The following SMYD3 variants were observed in gnomAD, a reference collection of about 807,000 sequenced individuals.
SMYD3 encodes histone-lysine N-methyltransferase SMYD3.
A neutral mutation model predicts 57.7 loss-of-function variants in SMYD3; 36 were observed. The ratio of observed to expected loss-of-function variants is 0.62; its 90% CI spans 0.48 to 0.82. SMYD3 has a LOEUF of 0.82. SMYD3 is among the 40% of genes least tolerant of loss of function. SMYD3 has a pLI of 0.00. For missense variants in SMYD3, 515 were observed against 538.8 expected (o/e 0.96, Z 0.44); for synonymous variants, 211 against 195.0 (o/e 1.08, Z -0.68).
rs556385698 is a variant in SMYD3 at position 246,185,356 on chromosome 1, T to C, written c.531+141845A>G. On this transcript the variant is annotated intron_variant, in intron 5 of 11. Coordinates refer to ENST00000490107, the MANE Select transcript of SMYD3 (RefSeq NM_001167740.2). ...GGTTCAAGCGATTCTCCTGCCTCATTCTCCTGAGTAGCTGGGACTGCAGGT... is the reference window on the plus strand; with the variant it reads ...GGTTCAAGCGATTCTCCTGCCTCATCCTCCTGAGTAGCTGGGACTGCAGGT... Among the ~76,000 whole-genome samples the C allele has an allele frequency of 1.6e-3, 234 of 147,034 alleles. 1 individual carries two copies. The highest frequency in any genetic ancestry group is 5.6e-3 in the African/African-American group (222 of 39,754).
At chr1:246,333,191 A>C (rs900519616) in intron 3 of SMYD3, among the ~76,000 whole-genome samples, 4 of 152,240 alleles carry the variant, frequency 2.6e-5, no homozygotes, top group Non-Finnish European at 4.4e-5. Context: ...ACCGGAGTTC[A>C]GAAGATTCAG....
At chr1:245,892,144 C>A (rs1299561113) in intron 8 of SMYD3, among the ~76,000 whole-genome samples, 1 of 152,088 alleles carries the variant, frequency 6.6e-6, no homozygotes, top group African/African-American at 2.4e-5. Flanking sequence ...AAAGCAGAGA[C>A]AACTAAAAAT....
intron 1 of SMYD3, among the ~76,000 whole-genome samples, chr1:246,360,499 G>A (rs1206490914): frequency 6.6e-6 from 1 of 151,688 alleles, no homozygotes; most frequent in African/African-American, 2.4e-5. Context: ...CATAGCCAAA[G>A]CAAGACTAAG....
At chr1:246,433,132 C>A (rs958049226) in intron 1 of SMYD3, among the ~76,000 whole-genome samples, 1 of 152,106 alleles carries the variant, frequency 6.6e-6, no homozygotes, top group Non-Finnish European at 1.5e-5. Flanking sequence ...TTTCAGGATA[C>A]AAAATTGGTA....
At chr1:245,958,193 T>C (rs12081022) in intron 5 of SMYD3, among the ~76,000 whole-genome samples, 24,310 of 152,114 alleles carry the variant, frequency 0.16, 2,263 homozygotes, top group East Asian at 0.41. Context: ...GTGCCAGATA[T>C]TGAATCCAGG....
chr1:245,930,991 C>T (rs762344433), intron 5 of SMYD3, among the ~76,000 whole-genome samples: 11 of 152,142 alleles, frequency 7.2e-5, no homozygotes, highest in Non-Finnish European at 1.0e-4. Flanking sequence ...GAAGGCCCTA[C>T]GCTAGGAATG....
chr1:245,763,444 A>G (rs1168256521), intron 11 of SMYD3, among the ~76,000 whole-genome samples: 5 of 152,206 alleles, frequency 3.3e-5, no homozygotes, highest in Non-Finnish European at 7.3e-5. Flanking sequence ...GGATCAGCAG[A>G]GTCCTGCCAA....
At chr1:245,917,519 T>C (rs1031130190) in intron 7 of SMYD3, among the ~76,000 whole-genome samples, 3 of 152,064 alleles carry the variant, frequency 2.0e-5, no homozygotes, top group African/African-American at 7.2e-5. Context: ...CCCGTCTGGC[T>C]CCACACACAC....
At chr1:245,776,599 A>C (rs1383906925) in intron 10 of SMYD3, among the ~76,000 whole-genome samples, 1 of 152,240 alleles carries the variant, frequency 6.6e-6, no homozygotes, top group Non-Finnish European at 1.5e-5. Context: ...TATTGAAATC[A>C]ATCACTACAG....
At chr1:245,881,951 G>C (rs990765351) in intron 8 of SMYD3, among the ~76,000 whole-genome samples, 1 of 152,202 alleles carries the variant, frequency 6.6e-6, no homozygotes, top group Non-Finnish European at 1.5e-5. Context: ...AGACTGGTAG[G>C]GTGAACAGGA....
chr1:246,265,233 T>C (rs1283279657), intron 5 of SMYD3, among the ~76,000 whole-genome samples: 1 of 152,148 alleles, frequency 6.6e-6, no homozygotes, highest in Non-Finnish European at 1.5e-5. Context: ...ACACCTGGGC[T>C]CAAGTGATCC....
intron 1 of SMYD3, among the ~76,000 whole-genome samples, chr1:246,377,746 G>A (rs1226380977): frequency 4.6e-5 from 7 of 152,100 alleles, no homozygotes; most frequent in African/African-American, 1.2e-4. Flanking sequence ...AGAGGCCTCC[G>A]GACTCCACTC....
chr1:246,397,912 TAAAA>T (rs11284190), intron 1 of SMYD3, among the ~76,000 whole-genome samples: 1 of 132,238 alleles, frequency 7.6e-6, no homozygotes, highest in Non-Finnish European at 1.6e-5. Context: ...GGTTGAGTCA[TAAAA>T]AAAAAAAAAG....
chr1:245,917,787 G>A (rs1395888408), intron 7 of SMYD3, among the ~76,000 whole-genome samples: 2 of 152,180 alleles, frequency 1.3e-5, no homozygotes, highest in South Asian at 2.1e-4. Flanking sequence ...ATGGCGGTAT[G>A]TGTGGTGGGG....
chr1:245,911,590 T>A (rs557881851), intron 8 of SMYD3, among the ~76,000 whole-genome samples: 57 of 152,096 alleles, frequency 3.7e-4, no homozygotes, highest in Admixed American at 5.9e-4. Flanking sequence ...TGTAGCAACA[T>A]GGATGGAACT....
rs199914383 is a variant in SMYD3, at chr1:246,302,453, T to C, written c.531+24748A>G. The stretch of plus-strand genomic sequence containing the variant: ...CATGAAAAGACTGAATTAGATTTCA[T>C]CACTGAAAACTGCAGTGGGTTTTTA... On this transcript the variant is annotated intron_variant, in intron 5 of 11. Coordinates refer to ENST00000490107, the MANE Select transcript of SMYD3 (RefSeq NM_001167740.2). 7.9e-5 allele frequency among the ~76,000 whole-genome samples: 12 copies of C among 152,254 alleles called. No individual in the cohort carries two copies. In the East Asian group the frequency reaches 1.5e-3, roughly 20 times the overall value.
intron 5 of SMYD3, among the ~76,000 whole-genome samples, chr1:246,220,001 C>G (rs1204517768): frequency 6.6e-6 from 1 of 152,170 alleles, no homozygotes; most frequent in African/African-American, 2.4e-5. Context: ...ACAGAACACC[C>G]CTGTTGCAAG....
At chr1:245,778,080 G>A (rs1248885326) in intron 10 of SMYD3, among the ~76,000 whole-genome samples, 1 of 152,092 alleles carries the variant, frequency 6.6e-6, no homozygotes, top group East Asian at 1.9e-4. Context: ...AAATGAAGGT[G>A]AATATAGTAA....
chr1:245,787,317 G>A (rs1160411132), intron 10 of SMYD3, among the ~76,000 whole-genome samples: 1 of 152,172 alleles, frequency 6.6e-6, no homozygotes, highest in Non-Finnish European at 1.5e-5. Context: ...CTCTTTACAT[G>A]TAGCTCCCAT....
Sources: allele counts gnomAD v4.1 joint callset (sites outside exome capture counted in the v4.1 genomes callset), GRCh38; gene constraint gnomAD v4.1.1; transcripts MANE v1.5; gene names NCBI Gene and HGNC (gene_info 2026-07-23, HGNC 2026-07-21).